The following ZNF292 variants were observed in gnomAD, a reference collection of about 807,000 sequenced individuals.
ZNF292 encodes the protein 16 zinc-finger domain protein.
In ZNF292, 26 loss-of-function variants were observed where a neutral mutation model predicts 217.9. The observed-to-expected ratio is 0.12, with a 90% CI of 0.09 to 0.17. The LOEUF (loss-of-function observed/expected upper bound fraction) is 0.17. Among genes scored for constraint, ZNF292 ranks in the 10% least tolerant of loss-of-function variants. The pLI, the probability that ZNF292 is intolerant of heterozygous loss-of-function variation, is 1.00. For synonymous variants in ZNF292, 1,257 were observed against 1,124.1 expected, an observed-to-expected ratio of 1.12 and a Z score of -2.37; for missense variants, 2,904 against 3,175.2, an observed-to-expected ratio of 0.91 and a Z score of 2.05.
intron 1 of ZNF292, among the ~76,000 whole-genome samples, chr6:87,177,912 C>G (rs1771353695): frequency 1.3e-5 from 2 of 152,234 alleles, no homozygotes; most frequent in African/African-American, 4.8e-5. Flanking sequence ...CTTCCAGTGT[C>G]CCATCCTAAC....
intron 7 of ZNF292, chr6:87,249,398 G>A (rs758109404): frequency 2.4e-5 from 10 of 410,594 alleles, no homozygotes; most frequent in Non-Finnish European, 4.9e-5. Context: ...AAAGTGGTGG[G>A]ATTACAGGTA....
chr6:87,209,519 G>C (rs1259110526), intron 1 of ZNF292, among the ~76,000 whole-genome samples: 2 of 152,160 alleles, frequency 1.3e-5, no homozygotes, highest in Non-Finnish European at 2.9e-5. Context: ...GGTCAAAACT[G>C]TAAGACATTA....
intron 1 of ZNF292, among the ~76,000 whole-genome samples, chr6:87,194,333 AAAATG>A (rs945079632): frequency 1.2e-4 from 19 of 152,124 alleles, no homozygotes; most frequent in African/African-American, 2.4e-4. Context: ...TAAAGAGTGA[AAAATG>A]AAATTTAATA....
intron 1 of ZNF292, among the ~76,000 whole-genome samples, chr6:87,163,539 G>C (rs999785693): frequency 6.6e-6 from 1 of 152,154 alleles, no homozygotes; most frequent in Non-Finnish European, 1.5e-5. Context: ...TTGTTCTTAT[G>C]TGGGAACACT....
intron 5 of ZNF292, among the ~76,000 whole-genome samples, chr6:87,241,259 G>A (rs983062810): frequency 3.3e-5 from 5 of 152,064 alleles, no homozygotes; most frequent in Non-Finnish European, 5.9e-5. Flanking sequence ...GCCCCAGCCT[G>A]AGCAACAGAG....
chr6:87,234,009 A>G (rs1359408373), intron 5 of ZNF292, among the ~76,000 whole-genome samples: 1 of 152,190 alleles, frequency 6.6e-6, no homozygotes, highest in Non-Finnish European at 1.5e-5. Flanking sequence ...TTATTTGCCT[A>G]TTTAATGTAA....
At chr6:87,205,398 A>G (rs1562138924) in intron 1 of ZNF292, among the ~76,000 whole-genome samples, 1 of 152,070 alleles carries the variant, frequency 6.6e-6, no homozygotes, top group Non-Finnish European at 1.5e-5. Context: ...TTCTATAAAA[A>G]TTGTATGATA....
intron 1 of ZNF292, among the ~76,000 whole-genome samples, chr6:87,198,602 A>G (rs1200287213): frequency 6.6e-6 from 1 of 152,248 alleles, no homozygotes; most frequent in Non-Finnish European, 1.5e-5. Flanking sequence ...AATAGGTTTT[A>G]TAAGATACGA....
chr6:87,155,709 C>T lies in ZNF292; in HGVS notation c.118C>T (p.Arg40Trp), dbSNP rs973945684. 6.3e-7 allele frequency: 1 copy of T among 1,596,974 alleles called. No individual in the cohort carries two copies. Among genetic ancestry groups the T allele is most frequent in the Non-Finnish European group, 8.5e-7 (1 of 1,173,540 alleles). The change falls in exon 1 of 8, where the codon CGG (arginine) becomes TGG (tryptophan). Residue 40 changes from arginine (R) to tryptophan (W), a missense_variant. By Grantham distance (101) the Arg-to-Trp change is moderately radical. This residue lies in a region of ZNF292 where 313 missense variants were observed against 451.0 expected (regional missense o/e 0.69). Transcript: ENST00000369577. The stretch of plus-strand genomic sequence containing the variant: ...GCTGGAGCTACAGCTGCGGGAGAGC[C>T]GGGTACCGGCCGTGGAAGCGGCCAC... ...QELELQLRES[R>W]VPAVEAATDY...
Position 87,265,250 on chromosome 6 carries a change from G to T in ZNF292, c.*3449G>T, listed in dbSNP as rs1211292680. On this transcript the variant is annotated 3_prime_UTR_variant, in exon 8 of 8. Coordinates refer to ENST00000369577, the MANE Select transcript of ZNF292 (RefSeq NM_015021.3). The stretch of plus-strand genomic sequence containing the variant: ...CTGCCTCAGCCTCCCCAGTAGCTGG[G>T]ACTACAGATGCATGCTATCACACCC... 6.6e-6 allele frequency among the ~76,000 whole-genome samples: 1 copy of T among 152,006 alleles called. No homozygotes were observed. The highest frequency in any genetic ancestry group is 1.5e-5 in the Non-Finnish European group (1 of 68,004).
intron 1 of ZNF292, among the ~76,000 whole-genome samples, chr6:87,166,450 C>A (rs1010163729): frequency 4.6e-5 from 7 of 152,130 alleles, no homozygotes; most frequent in African/African-American, 1.7e-4. Context: ...AAACACCTAC[C>A]CATAGAGGGT....
chr6:87,241,946 A>C (rs901187454), intron 5 of ZNF292, among the ~76,000 whole-genome samples: 2 of 152,208 alleles, frequency 1.3e-5, no homozygotes, highest in African/African-American at 2.4e-5. Flanking sequence ...TCAAAAATGC[A>C]CTTTCAACTT....
In ZNF292 at chr6:87,259,297, A is replaced by T; in HGVS notation, c.5668A>T (p.Ile1890Leu). 1 of 1,613,634 alleles carries T rather than the reference A, an allele frequency of 6.2e-7. No homozygotes were observed. Among genetic ancestry groups the T allele is most frequent in the African/African-American group, 1.3e-5 (1 of 75,042 alleles). The change falls in exon 8 of 8, where the codon ATA becomes TTA. Residue 1890 changes from isoleucine to leucine, a missense_variant. By Grantham distance (5) the Ile-to-Leu change is conservative. This residue lies in a region of ZNF292 where 622 missense variants were observed against 573.1 expected (regional missense o/e 1.09). Coordinates refer to ENST00000369577, the MANE Select transcript of ZNF292 (RefSeq NM_015021.3). ...ITVIQPVSEM[I>L]NIQFNDKVNK... ...AGTTATTCAGCCAGTTTCTGAAATG[A>T]TAAACATTCAATTTAATGACAAAGT... is the stretch of plus-strand genomic sequence containing the variant.
Position 87,243,617 on chromosome 6 carries a change from T to G in ZNF292, c.878+6T>G. The G allele has an allele frequency of 6.9e-7, 1 of 1,450,818 alleles. No homozygotes were observed. The allele number at this position is 1,450,818 out of a possible 1,614,324, so 89.9% of individuals were successfully genotyped here. A position where few individuals can be genotyped will look rare whatever the true frequency, so the allele number is the denominator to read the frequency against. ...GGAGATATGTACTGCGCTTGGTGAGTTGATCTTTTTTTTTTTAAAGAAATA... is the reference window on the plus strand; with the variant it reads ...GGAGATATGTACTGCGCTTGGTGAGGTGATCTTTTTTTTTTTAAAGAAATA... On this transcript the variant is annotated splice_donor_region_variant and intron_variant, in intron 6 of 7. Coordinates refer to ENST00000369577, the MANE Select transcript of ZNF292 (RefSeq NM_015021.3).
rs68087857 is a variant in ZNF292 at position 87,204,554 on chromosome 6, A to ATTTTTTTTTTTTTTTTTTTTTT, written c.169-11344_169-11323dup. 3.1e-5 allele frequency among the ~76,000 whole-genome samples: 2 copies of ATTTTTTTTTTTTTTTTTTTTTT among 63,640 alleles called. 1 individual carries two copies. The highest frequency in any genetic ancestry group is 1.4e-4 in the African/African-American group (2 of 14,370). 41.8% of individuals were successfully genotyped at this position (63,640 alleles called of 152,430 possible). ...TAGGATTTGGTTGGTAACATTTAGG[A>ATTTTTTTTTTTTTTTTTTTTTT]TTTTTTTTTTTTTTTTTTTTTTTTT... On this transcript the variant is annotated intron_variant, in intron 1 of 7. Transcript: ENST00000369577.
intron 4 of ZNF292, among the ~76,000 whole-genome samples, chr6:87,226,993 TTTATAA>T (rs1188855626): frequency 6.6e-6 from 1 of 152,148 alleles, no homozygotes; most frequent in African/African-American, 2.4e-5. Flanking sequence ...ATGGGTATAT[TTTATAA>T]TGTTACATGG....
chr6:87,160,121 A>G (rs1013939083), intron 1 of ZNF292, among the ~76,000 whole-genome samples: 3 of 152,200 alleles, frequency 2.0e-5, no homozygotes, highest in Admixed American at 6.5e-5. Flanking sequence ...CCTGGCTTCA[A>G]AGAGTTTATA....
At chr6:87,198,982 CT>C (rs1772035232) in intron 1 of ZNF292, among the ~76,000 whole-genome samples, 1 of 152,134 alleles carries the variant, frequency 6.6e-6, no homozygotes. Flanking sequence ...CAGTCATATA[CT>C]TTTCTTTTGG....
chr6:87,259,775 GTCCTGACAA>G lies in ZNF292; in HGVS notation c.6147_6155del (p.Ser2049_Lys2052delinsArg), dbSNP rs763087726. On this transcript the variant is annotated inframe_deletion, in exon 8 of 8. Coordinates refer to ENST00000369577, the MANE Select transcript of ZNF292 (RefSeq NM_015021.3). ...GAAAAACAACTTGTAGAAAAAAAAA[GTCCTGACAA>G]AACAGAAAGTTCTTTACAAGTGATT... 6.2e-7 allele frequency: 1 copy of G among 1,602,088 alleles called. No homozygotes were observed. The highest frequency in any genetic ancestry group is 8.5e-7 in the Non-Finnish European group (1 of 1,174,134).
Sources: allele counts gnomAD v4.1 joint callset (sites outside exome capture counted in the v4.1 genomes callset), GRCh38; gene constraint gnomAD v4.1.1; regional missense constraint gnomAD v4.1.1; transcripts MANE v1.5; gene names NCBI Gene and HGNC (gene_info 2026-07-23, HGNC 2026-07-21).